RALYL: variants seen among roughly 807,000 people sequenced by gnomAD.
RALYL encodes RNA-binding Raly-like protein.
A neutral mutation model predicts 35.1 loss-of-function variants in RALYL; 29 were observed. The ratio of observed to expected loss-of-function variants is 0.83; its 90% CI spans 0.61 to 1.13. The LOEUF (loss-of-function observed/expected upper bound fraction) is 1.13, where lower values mean the gene tolerates loss of function less well. Ranked by LOEUF, RALYL falls within the 50% of genes most tolerant of loss-of-function variation. The pLI, the probability that RALYL is intolerant of heterozygous loss-of-function variation, is 0.00. For missense variants in RALYL, 359 were observed against 360.4 expected (o/e 1.00, Z 0.03); for synonymous variants, 120 against 127.6 (o/e 0.94, Z 0.40).
At chr8:84,334,544 G>A (rs999801776) in intron 1 of RALYL, among the ~76,000 whole-genome samples, 1 of 150,400 alleles carries the variant, frequency 6.6e-6, no homozygotes, top group African/African-American at 2.4e-5. Context: ...ACATATTAAA[G>A]TAAATTAAAA....
chr8:84,821,603 G>T (rs1828551697), intron 4 of RALYL, among the ~76,000 whole-genome samples: 1 of 152,158 alleles, frequency 6.6e-6, no homozygotes, highest in African/African-American at 2.4e-5. Flanking sequence ...ATCACATTCT[G>T]TTCATCCAGC....
intron 1 of RALYL, among the ~76,000 whole-genome samples, chr8:84,475,579 T>C (rs539391088): frequency 1.3e-5 from 2 of 152,222 alleles, no homozygotes; most frequent in Non-Finnish European, 2.9e-5. Flanking sequence ...TGTTTAGACA[T>C]ACACCAAAGA....
At chr8:84,815,067 G>T (rs913787924) in intron 4 of RALYL, among the ~76,000 whole-genome samples, 1 of 152,158 alleles carries the variant, frequency 6.6e-6, no homozygotes, top group Non-Finnish European at 1.5e-5. Flanking sequence ...CATCTCTGGA[G>T]TCCCTTCAGA....
At chr8:84,321,989 G>T (rs1437895990) in intron 1 of RALYL, among the ~76,000 whole-genome samples, 1 of 151,968 alleles carries the variant, frequency 6.6e-6, no homozygotes, top group Non-Finnish European at 1.5e-5. Flanking sequence ...CCCTAAACAT[G>T]CATGTACCTA....
intron 2 of RALYL, among the ~76,000 whole-genome samples, chr8:84,653,255 T>C (rs913052874): frequency 2.0e-5 from 3 of 152,082 alleles, no homozygotes; most frequent in African/African-American, 7.2e-5. Flanking sequence ...TTCAACAAAA[T>C]AGGTTATTTC....
intron 7 of RALYL, among the ~76,000 whole-genome samples, chr8:84,876,214 T>A (rs1277248278): frequency 6.6e-6 from 1 of 152,164 alleles, no homozygotes; most frequent in Non-Finnish European, 1.5e-5. Flanking sequence ...TGGGCACAAC[T>A]TAGCAAGTCA....
intron 2 of RALYL, among the ~76,000 whole-genome samples, chr8:84,727,352 G>A (rs1243005004): frequency 1.3e-5 from 2 of 151,882 alleles, no homozygotes; most frequent in African/African-American, 4.8e-5. Flanking sequence ...AACCCTGAAG[G>A]TATGCAACGA....
chr8:84,680,250 T>C (rs533625280), intron 2 of RALYL, among the ~76,000 whole-genome samples: 1 of 152,334 alleles, frequency 6.6e-6, no homozygotes, highest in Admixed American at 6.5e-5. Flanking sequence ...AGTCTATCAT[T>C]GTTGGACATT....
chr8:84,192,624 T>C (rs1334051412), intron 1 of RALYL, among the ~76,000 whole-genome samples: 12 of 151,990 alleles, frequency 7.9e-5, no homozygotes, highest in Admixed American at 7.9e-4. Context: ...GTGACACGAT[T>C]TCGGCTCACT....
intron 2 of RALYL, among the ~76,000 whole-genome samples, chr8:84,625,330 T>C (rs1054647745): frequency 2.0e-5 from 3 of 152,126 alleles, no homozygotes; most frequent in Non-Finnish European, 4.4e-5. Context: ...CGGGCAGAAG[T>C]AAAGAACTCT....
At chr8:84,446,122 C>T (rs1028505737) in intron 1 of RALYL, among the ~76,000 whole-genome samples, 20 of 151,872 alleles carry the variant, frequency 1.3e-4, no homozygotes, top group Admixed American at 7.9e-4. Context: ...TTATATTCTA[C>T]GTGTTCCCTG....
rs1554747192 is a variant in RALYL at position 84,613,881 on chromosome 8, T to TAA, written c.256+84305_256+84306dup. ...AGATTTATATATATATATATATATATAATACACAAATCTTGCCATTTATAT... is the reference window on the plus strand; with the variant it reads ...AGATTTATATATATATATATATATATAAAATACACAAATCTTGCCATTTATAT... On this transcript the variant is annotated intron_variant, in intron 2 of 8. Coordinates refer to ENST00000521268, the MANE Select transcript of RALYL (RefSeq NM_173848.7). 6.0e-4 allele frequency among the ~76,000 whole-genome samples: 89 copies of TAA among 148,680 alleles called. 2 individuals are homozygous for TAA. Among genetic ancestry groups the TAA allele is most frequent in the Middle Eastern group, 3.6e-3 (1 of 278 alleles).
chr8:84,515,441 G>T (rs768432633), intron 1 of RALYL, among the ~76,000 whole-genome samples: 3 of 152,140 alleles, frequency 2.0e-5, no homozygotes, highest in Non-Finnish European at 4.4e-5. Flanking sequence ...CAGTACCACA[G>T]CATATATTCC....
At position 84,419,058 on chromosome 8, in the gene RALYL, C is replaced by T. The variant is rs1260221764; in HGVS notation, c.-23-110241C>T. On this transcript the variant is annotated intron_variant, in intron 1 of 8. Transcript: ENST00000521268. ...TGCAGATATGATTTCTCTCCAACTC[C>T]GTATGTAAAAAAGATAAGGTGAAAA... is the stretch of plus-strand genomic sequence containing the variant. Among the ~76,000 whole-genome samples the T allele has an allele frequency of 2.0e-5, 3 of 152,050 alleles. No individual in the cohort carries two copies. The South Asian group carries it at 6.2e-4, about 32-fold the overall frequency.
At chr8:84,461,597 T>A (rs984479281) in intron 1 of RALYL, among the ~76,000 whole-genome samples, 1 of 151,732 alleles carries the variant, frequency 6.6e-6, no homozygotes, top group Non-Finnish European at 1.5e-5. Flanking sequence ...TTCTGAAACA[T>A]GTCTGTTTTT....
At chr8:84,656,023 A>G (rs181784404) in intron 2 of RALYL, among the ~76,000 whole-genome samples, 1 of 152,296 alleles carries the variant, frequency 6.6e-6, no homozygotes. Context: ...ACCTACTCGA[A>G]ATGAATTTCA....
At chr8:84,424,819 T>A (rs1404898620) in intron 1 of RALYL, among the ~76,000 whole-genome samples, 1 of 152,066 alleles carries the variant, frequency 6.6e-6, no homozygotes, top group Non-Finnish European at 1.5e-5. Context: ...GTGTGAGGTG[T>A]CAGTGTGCCC....
In RALYL at chr8:84,627,711, T is replaced by C. The variant is rs567814137; in HGVS notation, c.256+98134T>C. On this transcript the variant is annotated intron_variant, in intron 2 of 8. Coordinates refer to ENST00000521268, the MANE Select transcript of RALYL (RefSeq NM_173848.7). ...ACCTATTCTATGAGCTGAGGTCTTA[T>C]AGATAAAATTGAATTATTGATGTTT... is the stretch of plus-strand genomic sequence containing the variant. 2.0e-5 allele frequency among the ~76,000 whole-genome samples: 3 copies of C among 152,042 alleles called. No homozygotes were observed. The East Asian group carries it at 5.8e-4, about 30-fold the overall frequency.
At chr8:84,658,469 A>G (rs557372709) in intron 2 of RALYL, among the ~76,000 whole-genome samples, 11 of 152,310 alleles carry the variant, frequency 7.2e-5, no homozygotes, top group African/African-American at 2.4e-4. Flanking sequence ...TCTTAAAATT[A>G]GAAAGGTGTA....
Sources: allele counts gnomAD v4.1 joint callset (sites outside exome capture counted in the v4.1 genomes callset), GRCh38; gene constraint gnomAD v4.1.1; transcripts MANE v1.5; gene names NCBI Gene and HGNC (gene_info 2026-07-23, HGNC 2026-07-21).